The following DLG5 variants were observed in gnomAD, a reference collection of about 807,000 sequenced individuals.
The protein encoded by DLG5 is discs large MAGUK scaffold protein 5.
Under a neutral mutation model 189.8 loss-of-function variants are expected in DLG5, and 48 were observed. The observed-to-expected ratio is 0.25, with a 90% CI of 0.20 to 0.32. The LOEUF (loss-of-function observed/expected upper bound fraction) is 0.32. Ranked by LOEUF, DLG5 falls within the 10% of genes least tolerant of loss-of-function variation. The pLI is 1.00. For synonymous variants in DLG5, 1,016 were observed against 1,054.1 expected (o/e 0.96, Z 0.70); for missense variants, 2,160 against 2,544.7 (o/e 0.85, Z 3.25).
chr10:77,902,471 T>A (rs1845954022), intron 1 of DLG5, among the ~76,000 whole-genome samples: 2 of 152,200 alleles, frequency 1.3e-5, no homozygotes, highest in South Asian at 4.1e-4. Flanking sequence ...ACCGCAGCAT[T>A]GTAAGTACAG....
chr10:77,806,718 A>AGGCCC, intron 26 of DLG5, 40 bp downstream of exon 26: 340 of 1,333,378 alleles, frequency 2.5e-4, no homozygotes, highest in Non-Finnish European at 3.3e-4. Context: ...GCCCTCGGCG[A>AGGCCC]CCCCTGCCCC....
At chr10:77,829,577 C>T (rs1269774851) in intron 11 of DLG5, 47 bp from the exon 12 acceptor site, 1 of 1,545,358 alleles carries the variant, frequency 6.5e-7, no homozygotes, top group Non-Finnish European at 8.7e-7. Flanking sequence ...GCTGTGGGAC[C>T]AGCGGCTACC....
At chr10:77,887,121 T>C (rs1845463138) in intron 1 of DLG5, among the ~76,000 whole-genome samples, 1 of 152,148 alleles carries the variant, frequency 6.6e-6, no homozygotes, top group Admixed American at 6.5e-5. Context: ...CCACATACAC[T>C]ATCTCACTTA....
At chr10:77,846,719 G>C (rs1411907311) in intron 5 of DLG5, 2 of 456,148 alleles carry the variant, frequency 4.4e-6, no homozygotes, top group Non-Finnish European at 8.8e-6. Context: ...TACCTCAAAT[G>C]TTTTACTGTC....
At position 77,833,952 on chromosome 10, in the gene DLG5, C is replaced by T. The variant is rs201922741; in HGVS notation, c.1710G>A (p.Lys570=). The T allele has an allele frequency of 2.5e-6, 4 of 1,606,884 alleles. No individual in the cohort carries two copies. In the Admixed American group the frequency reaches 6.7e-5, roughly 27 times the overall value. ...GCTCGCGGCTGACATCATTCTTCTGCTTGCGGGTGTCATCCAGGCTGCGCA... is the reference window on the plus strand; with the variant it reads ...GCTCGCGGCTGACATCATTCTTCTGTTTGCGGGTGTCATCCAGGCTGCGCA... ...EALRSLDDTR[K]QKNDVSRELK... The change falls in exon 9 of 32, where the codon AAG becomes AAA. Residue 570 remains lysine (K), a synonymous_variant. Transcript: ENST00000372391.
Position 77,837,415 on chromosome 10 carries a change from G to A in DLG5, c.1438-1493C>T, listed in dbSNP as rs76669096. 1.6e-3 allele frequency among the ~76,000 whole-genome samples: 239 copies of A among 152,210 alleles called. 2 individuals are homozygous for A. Among genetic ancestry groups the A allele is most frequent in the Non-Finnish European group, 2.8e-3 (192 of 68,010 alleles). Reference sequence around the variant, plus strand: ...TGAGCATCTAGGAGGGAGGCCCCAGGTGCAGACAGGACGACAGGCAGCGCA... The same window carrying A: ...TGAGCATCTAGGAGGGAGGCCCCAGATGCAGACAGGACGACAGGCAGCGCA... On this transcript the variant is annotated intron_variant, in intron 7 of 31. Transcript: ENST00000372391.
chr10:77,846,744 G>A (rs1053889321), intron 5 of DLG5: 33 of 455,928 alleles, frequency 7.2e-5, no homozygotes, highest in Non-Finnish European at 1.3e-4. Context: ...CATCCCCTAA[G>A]CCAAGTGAGA....
At chr10:77,815,214 G>A (rs528881549) in intron 20 of DLG5, among the ~76,000 whole-genome samples, 7 of 152,240 alleles carry the variant, frequency 4.6e-5, no homozygotes, top group Non-Finnish European at 8.8e-5. Flanking sequence ...ATGCTCCTGC[G>A]CGTGCCACAT....
At chr10:77,792,663 T>A in intron 31 of DLG5, 120 bp from the exon 32 acceptor site, 1 of 869,226 alleles carries the variant, frequency 1.2e-6, no homozygotes, top group Non-Finnish European at 1.9e-6. Context: ...TCCTTGGCAC[T>A]CTGCTCCATC....
At chr10:77,805,987 T>C in intron 26 of DLG5, 126 bp from the exon 27 acceptor site, 1 of 925,680 alleles carries the variant, frequency 1.1e-6, no homozygotes, top group Non-Finnish European at 1.6e-6. Flanking sequence ...CCTTGGCAGG[T>C]CTCAAGGCTA....
At chr10:77,812,910 G>A (rs1437777386) in intron 20 of DLG5, among the ~76,000 whole-genome samples, 1 of 152,264 alleles carries the variant, frequency 6.6e-6, no homozygotes, top group Non-Finnish European at 1.5e-5. Context: ...CTGCAGCCAT[G>A]CACTTGCTGC....
chr10:77,932,358 G>A, the DLG5 span, among the ~76,000 whole-genome samples: 1 of 152,186 alleles, frequency 6.6e-6, no homozygotes, highest in Non-Finnish European at 1.5e-5. Flanking sequence ...GCACTGTACC[G>A]GGCATGTGGT....
intron 10 of DLG5, 126 bp from the exon 11 acceptor site, chr10:77,830,470 C>T: frequency 2.1e-6 from 3 of 1,433,556 alleles, no homozygotes; most frequent in Non-Finnish European, 2.8e-6. Context: ...ATAAGACACT[C>T]CATCCCCAGG....
rs113480389 is a variant in DLG5 at position 77,894,728 on chromosome 10, G to A, written c.305-25531C>T. On this transcript the variant is annotated intron_variant, in intron 1 of 31. Transcript: ENST00000372391. ...CCTTTTCTGCTCCCTGATTCCCAGCGTACCCCTTCCCCACCTCTGCCCATC... is the reference window on the plus strand; with the variant it reads ...CCTTTTCTGCTCCCTGATTCCCAGCATACCCCTTCCCCACCTCTGCCCATC... Among the ~76,000 whole-genome samples the A allele has an allele frequency of 5.0e-3, 759 of 151,832 alleles. 9 individuals are homozygous for A. The highest frequency in any genetic ancestry group is 0.017 in the African/African-American group (703 of 41,388).
Position 77,792,518 on chromosome 10 carries a change from T to G in DLG5, c.5682A>C (p.Ser1894=). 1 of 1,614,146 alleles carries G rather than the reference T, an allele frequency of 6.2e-7. No homozygotes were observed. Among genetic ancestry groups the G allele is most frequent in the Non-Finnish European group, 8.5e-7 (1 of 1,180,012 alleles). The change falls in exon 32 of 32, where the codon TCA becomes TCC. Residue 1894 remains serine (S), a synonymous_variant. Coordinates refer to ENST00000372391, the MANE Select transcript of DLG5 (RefSeq NM_004747.4). Reference sequence around the variant, plus strand: ...TTGCCAAGATCTGAGTGCAAATGCTTGACAGGGCTCCTCCCTGGATGACCC... The same window carrying G: ...TTGCCAAGATCTGAGTGCAAATGCTGGACAGGGCTCCTCCCTGGATGACCC... ...FTGVIQGGAL[S]SICTQILAMV...
At chr10:77,936,284 G>T in the DLG5 span, among the ~76,000 whole-genome samples, 3 of 151,816 alleles carry the variant, frequency 2.0e-5, no homozygotes. Flanking sequence ...CTAAAAATAC[G>T]AAAGTTAGCT....
At chr10:77,888,257 G>A (rs1180876332) in intron 1 of DLG5, among the ~76,000 whole-genome samples, 1 of 152,140 alleles carries the variant, frequency 6.6e-6, no homozygotes, top group Non-Finnish European at 1.5e-5. Context: ...GAGGCAAAGT[G>A]CGGCAGGAAC....
intron 1 of DLG5, among the ~76,000 whole-genome samples, chr10:77,894,787 C>A (rs1336541797): frequency 6.6e-6 from 1 of 152,060 alleles, no homozygotes; most frequent in African/African-American, 2.4e-5. Flanking sequence ...CTCCAAGAAG[C>A]CCTCGCTGCT....
intron 15 of DLG5, 32 bp from the exon 16 acceptor site, chr10:77,820,050 A>G (rs1336009252): frequency 2.5e-6 from 4 of 1,610,750 alleles, no homozygotes; most frequent in South Asian, 2.2e-5. Flanking sequence ...TGTCTGCTAG[A>G]AAGAGTGGAG....
Sources: allele counts gnomAD v4.1 joint callset (sites outside exome capture counted in the v4.1 genomes callset), GRCh38; gene constraint gnomAD v4.1.1; transcripts MANE v1.5; gene names NCBI Gene and HGNC (gene_info 2026-07-23, HGNC 2026-07-21).